LSG1: variants seen among roughly 807,000 people sequenced by gnomAD.
LSG1 encodes large subunit GTPase 1 homolog.
A neutral mutation model predicts 82.6 loss-of-function variants in LSG1; 55 were observed. The ratio of observed to expected loss-of-function variants is 0.67; its 90% CI spans 0.54 to 0.83. LSG1 has a LOEUF of 0.83. Ranked by LOEUF, LSG1 falls within the 40% of genes least tolerant of loss-of-function variation. The pLI, the probability that LSG1 is intolerant of heterozygous loss-of-function variation, is 0.00. For synonymous variants in LSG1, 272 were observed against 282.5 expected, an observed-to-expected ratio of 0.96 and a Z score of 0.37; for missense variants, 809 against 807.9, an observed-to-expected ratio of 1.00 and a Z score of -0.02.
intron 7 of LSG1, among the ~76,000 whole-genome samples, chr3:194,655,476 C>T (rs1718771997): frequency 6.6e-6 from 1 of 152,098 alleles, no homozygotes; most frequent in African/African-American, 2.4e-5. Flanking sequence ...TTTAACAGGG[C>T]AAACTATTCT....
Position 194,665,655 on chromosome 3 carries a change from A to G in LSG1, c.435-12T>C. 6.4e-7 allele frequency: 1 copy of G among 1,550,812 alleles called. No individual in the cohort carries two copies. Among genetic ancestry groups the G allele is most frequent in the East Asian group, 2.2e-5 (1 of 44,558 alleles). Reference sequence around the variant, plus strand: ...GTTCCTCTTCTAGCCTAGTTTTTGAATGAGAAGTTTATATATTTGCCAGAT... The same window carrying G: ...GTTCCTCTTCTAGCCTAGTTTTTGAGTGAGAAGTTTATATATTTGCCAGAT... On this transcript the variant is annotated splice_polypyrimidine_tract_variant and intron_variant, in intron 4 of 13. Transcript: ENST00000265245.
intron 13 of LSG1, among the ~76,000 whole-genome samples, chr3:194,642,493 A>C (rs1383917746): frequency 6.6e-6 from 1 of 151,628 alleles, no homozygotes; most frequent in African/African-American, 2.4e-5. Flanking sequence ...CTACAACTAG[A>C]CTTAATACCA....
intron 4 of LSG1, 83 bp from the exon 5 acceptor site, chr3:194,665,726 T>C: frequency 1.4e-6 from 1 of 738,156 alleles, no homozygotes; most frequent in Middle Eastern, 2.4e-4. Flanking sequence ...ATTTATTACA[T>C]TAAAAATAAG....
intron 1 of LSG1, among the ~76,000 whole-genome samples, chr3:194,670,970 C>T (rs1408189603): frequency 6.6e-6 from 1 of 152,080 alleles, no homozygotes; most frequent in East Asian, 1.9e-4. Flanking sequence ...ACCTGTAATG[C>T]CAGCTACTCA....
In LSG1 at chr3:194,669,996, A is replaced by G. The variant is rs893382068; in HGVS notation, c.226+13T>C. The G allele has an allele frequency of 1.9e-6, 3 of 1,613,096 alleles. No homozygotes were observed. In the African/African-American group the frequency reaches 4.0e-5, roughly 22 times the overall value. ...GTGACAGTCTCACCTGCACTCAGCA[A>G]TAAACAACTTACCAGCTACAAACTC... is the stretch of plus-strand genomic sequence containing the variant. On this transcript the variant is annotated intron_variant, in intron 2 of 13. Transcript: ENST00000265245.
chr3:194,644,360 C>T (rs1313058076), intron 13 of LSG1, among the ~76,000 whole-genome samples: 1 of 129,688 alleles, frequency 7.7e-6, no homozygotes, highest in East Asian at 2.5e-4. Flanking sequence ...CAGAGCGAGA[C>T]TCCGTCTCAA....
rs1491 is a variant in LSG1 at position 194,640,985 on chromosome 3, T to G, written c.*1083A>C. 0.18 allele frequency: 27,605 copies of G among 152,048 alleles called. 3,345 individuals are homozygous for G. The highest frequency in any genetic ancestry group is 0.46 in the East Asian group (2,357 of 5,120). 9.4% of individuals were successfully genotyped at this position (152,048 alleles called of 1,614,324 possible). A position where few individuals can be genotyped will look rare whatever the true frequency, so the allele number is the denominator to read the frequency against. ...CCACACACTTTGAAGCAACCAGATG[T>G]GATGAGGACTCAATATCAGGAGAAC... On this transcript the variant is annotated 3_prime_UTR_variant, in exon 14 of 14. Coordinates refer to ENST00000265245, the MANE Select transcript of LSG1 (RefSeq NM_018385.3).
Position 194,652,740 on chromosome 3 carries a change from T to C in LSG1, c.1162A>G (p.Thr388Ala), listed in dbSNP as rs916916406. 2 of 1,612,966 alleles carry C rather than the reference T, an allele frequency of 1.2e-6. No homozygotes were observed. The highest frequency in any genetic ancestry group is 2.7e-5 in the African/African-American group (2 of 74,894). Reference sequence around the variant, plus strand: ...ATATGTCATCTTACCAGTCCGACCGTAAGTTGCCCATCTTTCACCTTTCTC... The same window carrying C: ...ATATGTCATCTTACCAGTCCGACCGCAAGTTGCCCATCTTTCACCTTTCTC... ...TGRKVKDGQL[T>A]VGLVGYPNVG... Residue 388 changes from threonine (T) to alanine (A), a missense_variant, in exon 8 of 14, where the codon ACG becomes GCG. By Grantham distance (58) the Thr-to-Ala change is moderately conservative. Coordinates refer to ENST00000265245, the MANE Select transcript of LSG1 (RefSeq NM_018385.3).
At position 194,648,768 on chromosome 3, in the gene LSG1, T is replaced by C; in HGVS notation, c.1456A>G (p.Thr486Ala). Residue 486 changes from threonine to alanine, a missense_variant, in exon 11 of 14, where the codon ACC becomes GCC. Coordinates refer to ENST00000265245, the MANE Select transcript of LSG1 (RefSeq NM_018385.3). ...GGCGTTATGATGTTAATGCCATAGG[T>C]AGCTTCTAAAACATGTCTTGGAATA... ...QNIPRHVLEA[T>A]YGINIITPRE... The C allele has an allele frequency of 6.2e-7, 1 of 1,614,036 alleles. No individual in the cohort carries two copies. The highest frequency in any genetic ancestry group is 8.5e-7 in the Non-Finnish European group (1 of 1,179,942).
At chr3:194,659,237 A>G in intron 6 of LSG1, 104 bp from the exon 7 acceptor site, 1 of 825,458 alleles carries the variant, frequency 1.2e-6, no homozygotes. Context: ...CCCTAGTTTT[A>G]AATCATTTCC....
In LSG1 at chr3:194,666,468, A is replaced by C; in HGVS notation, c.331T>G (p.Leu111Val). The C allele has an allele frequency of 6.2e-7, 1 of 1,614,148 alleles. No individual in the cohort carries two copies. The highest frequency in any genetic ancestry group is 1.1e-5 in the South Asian group (1 of 91,078). Residue 111 changes from leucine (L) to valine (V), a missense_variant, in exon 3 of 14, where the codon TTG (leucine) becomes GTG (valine). Physicochemically the swap from Leu to Val is conservative, Grantham distance 32 (BLOSUM62 1). Transcript: ENST00000265245. ...KKLHEENKQF[L>V]CIPRRPNWNQ... ...TCAGCTCACCTCCTCGGTATACACA[A>C]GAACTGTTTGTTTTCTTCATGGAGC...
At chr3:194,663,918 C>A (rs1718981498) in intron 5 of LSG1, among the ~76,000 whole-genome samples, 1 of 152,186 alleles carries the variant, frequency 6.6e-6, no homozygotes, top group Non-Finnish European at 1.5e-5. Context: ...ATTCAAGTGA[C>A]TTTGTCATCA....
At chr3:194,645,495 TACACACACACACACACACAC>T (rs56936610) in intron 12 of LSG1, 8 of 62,004 alleles carry the variant, frequency 1.3e-4, no homozygotes, top group African/African-American at 2.3e-4. Flanking sequence ...AGCTTAGTGC[TACACACACACACACACACAC>T]ACACACACAC....
rs113838636 is a variant in LSG1, at chr3:194,658,828, C to T, written c.759+129G>A. On this transcript the variant is annotated intron_variant, in intron 7 of 13. Transcript: ENST00000265245. Reference sequence around the variant, plus strand: ...TCACTTTCTATAGGTCATCCTAATCCAGCACACAGAGGAAAAACTCTAATT... The same window carrying T: ...TCACTTTCTATAGGTCATCCTAATCTAGCACACAGAGGAAAAACTCTAATT... The T allele has an allele frequency of 1.5e-3, 1,431 of 931,600 alleles. 18 individuals are homozygous for T. In the African/African-American group the frequency reaches 0.021, roughly 14 times the overall value. The allele number at this position is 931,600 out of a possible 1,614,324, so 57.7% of individuals were successfully genotyped here. A position where few individuals can be genotyped will look rare whatever the true frequency, so the allele number is the denominator to read the frequency against.
intron 5 of LSG1, among the ~76,000 whole-genome samples, chr3:194,661,380 T>C (rs1018066737): frequency 6.6e-6 from 1 of 152,216 alleles, no homozygotes; most frequent in Non-Finnish European, 1.5e-5. Flanking sequence ...TATGTTTACA[T>C]ACAGAACATG....
In LSG1 at chr3:194,651,009, G is replaced by C; in HGVS notation, c.1291C>G (p.Pro431Ala). Reference protein sequence around the residue: ...TKHFQTLYVEPGLCLCDCPGL... With the variant: ...TKHFQTLYVEAGLCLCDCPGL... ...GGACAGTCACACAGGCAGAGGCCAG[G>C]CTCCACATAGAGAGTCTGGAAGACA... The change falls in exon 10 of 14, where the codon CCT becomes GCT. Residue 431 changes from proline (P) to alanine (A), a missense_variant. Pro to Ala is a conservative substitution (Grantham distance 27). Transcript: ENST00000265245. 2.5e-6 allele frequency: 4 copies of C among 1,614,082 alleles called. No homozygotes were observed. Among genetic ancestry groups the C allele is most frequent in the Non-Finnish European group, 3.4e-6 (4 of 1,179,972 alleles).
At position 194,645,553 on chromosome 3, in the gene LSG1, C is replaced by CAG. The variant is rs1451885769; in HGVS notation, c.1623+610_1623+611insCT. On this transcript the variant is annotated intron_variant, in intron 12 of 13. Transcript: ENST00000265245. ...ACAGACAGACACACACACACACACA[C>CAG]ACACACACACACACACAGACAGACA... Among the ~76,000 whole-genome samples the CAG allele has an allele frequency of 4.0e-4, 18 of 45,436 alleles. 1 individual carries two copies. Among genetic ancestry groups the CAG allele is most frequent in the South Asian group, 9.5e-4 (1 of 1,050 alleles). 29.8% of individuals were successfully genotyped at this position (45,436 alleles called of 152,430 possible).
intron 6 of LSG1, among the ~76,000 whole-genome samples, chr3:194,659,464 A>G (rs895620253): frequency 6.6e-6 from 1 of 152,246 alleles, no homozygotes; most frequent in Admixed American, 6.5e-5. Flanking sequence ...GCAACATGAC[A>G]AGATCCTGTC....
At chr3:194,653,479 C>T (rs1224192915) in intron 7 of LSG1, among the ~76,000 whole-genome samples, 1 of 150,456 alleles carries the variant, frequency 6.6e-6, no homozygotes, top group East Asian at 2.0e-4. Context: ...GGTGCCACTG[C>T]ACTCCAGTCT....
Sources: allele counts gnomAD v4.1 joint callset (sites outside exome capture counted in the v4.1 genomes callset), GRCh38; gene constraint gnomAD v4.1.1; transcripts MANE v1.5; gene names NCBI Gene and HGNC (gene_info 2026-07-23, HGNC 2026-07-21).